Variants in PPHLN1 observed in about 807,000 individuals in gnomAD.
PPHLN1 encodes periphilin-1.
A neutral mutation model predicts 51.3 loss-of-function variants in PPHLN1; 29 were observed. The observed-to-expected ratio is 0.57, with a 90% CI of 0.42 to 0.77. PPHLN1 has a LOEUF of 0.77. PPHLN1 is among the 30% of genes least tolerant of loss of function. The pLI is 0.00. For synonymous variants in PPHLN1, 147 were observed against 147.8 expected (o/e 0.99, Z 0.04); for missense variants, 436 against 438.4 (o/e 0.99, Z 0.05).
chr12:42,419,100 T>C (rs916694934), intron 9 of PPHLN1, among the ~76,000 whole-genome samples: 10 of 152,224 alleles, frequency 6.6e-5, no homozygotes, highest in African/African-American at 2.4e-4. Context: ...TAGGGTTACC[T>C]AGCACCCCAA....
intron 9 of PPHLN1, among the ~76,000 whole-genome samples, chr12:42,411,149 C>T (rs2079774060): frequency 6.6e-6 from 1 of 151,640 alleles, no homozygotes; most frequent in South Asian, 2.1e-4. Flanking sequence ...CTTTCATTTT[C>T]CTTACACTTT....
chr12:42,350,835 G>A lies in PPHLN1; in HGVS notation c.73-1050G>A, dbSNP rs987896696. On this transcript the variant is annotated intron_variant, in intron 2 of 9. Coordinates refer to ENST00000358314, the MANE Select transcript of PPHLN1 (RefSeq NM_201439.2). ...AAAAACCAGTCAGGCATGGCGGCGCGCGCCTGCAATCCCAGGCACTCGGCA... is the reference window on the plus strand; with the variant it reads ...AAAAACCAGTCAGGCATGGCGGCGCACGCCTGCAATCCCAGGCACTCGGCA... Among the ~76,000 whole-genome samples, 25 of 152,166 alleles carry A rather than the reference G, an allele frequency of 1.6e-4. No individual in the cohort carries two copies. The East Asian group carries it at 4.7e-3, about 28-fold the overall frequency.
intron 1 of PPHLN1, among the ~76,000 whole-genome samples, chr12:42,333,557 A>G (rs980902312): frequency 2.0e-5 from 3 of 151,868 alleles, no homozygotes; most frequent in Middle Eastern, 3.4e-3. Context: ...ATCTTAGCTC[A>G]CTGCAAGCTC....
chr12:42,340,960 T>A (rs1415130212), intron 2 of PPHLN1, among the ~76,000 whole-genome samples: 1 of 151,576 alleles, frequency 6.6e-6, no homozygotes, highest in Non-Finnish European at 1.5e-5. Context: ...AGAATTTCTC[T>A]CCCTTTTTTT....
rs957663431 is a variant in PPHLN1 at position 42,330,375 on chromosome 12, C to T, written c.-21+4146C>T. 3.9e-5 allele frequency among the ~76,000 whole-genome samples: 6 copies of T among 152,292 alleles called. No individual in the cohort carries two copies. The East Asian group carries it at 5.8e-4, about 15-fold the overall frequency. ...CCTTCATGGGTGTCGGGCTGGGGGA[C>T]GGTCAGGTCTTTCTCGTCCCACGAG... On this transcript the variant is annotated intron_variant, in intron 1 of 9. Transcript: ENST00000358314.
chr12:42,434,887 A>T (rs1796399), intron 9 of PPHLN1, among the ~76,000 whole-genome samples: 146,820 of 152,250 alleles, frequency 0.96, 71,031 homozygotes, highest in Middle Eastern at 1. Context: ...AGAGACAGGC[A>T]TTCACCATGT....
chr12:42,426,041 C>A (rs904289659), intron 9 of PPHLN1, among the ~76,000 whole-genome samples: 1 of 152,168 alleles, frequency 6.6e-6, no homozygotes, highest in African/African-American at 2.4e-5. Context: ...CAGCATGGGG[C>A]AGATGGCTGA....
intron 9 of PPHLN1, among the ~76,000 whole-genome samples, chr12:42,435,350 G>A (rs1356701728): frequency 6.6e-6 from 1 of 152,140 alleles, no homozygotes; most frequent in Non-Finnish European, 1.5e-5. Context: ...CTATAGCTCT[G>A]ATCCATGTGT....
downstream of PPHLN1, chr12:42,443,216 A>G (rs191643937): frequency 3.5e-3 from 537 of 154,368 alleles, 1 homozygote; most frequent in Admixed American, 5.6e-3. Context: ...CCCTCCCCCA[A>G]TAAATTGGAA....
intron 1 of PPHLN1, chr12:42,331,863 C>T (rs957764163): frequency 6.6e-6 from 1 of 152,186 alleles, no homozygotes; most frequent in Non-Finnish European, 1.5e-5. Flanking sequence ...CATGATCACT[C>T]ACTGGGAGTC....
chr12:42,431,400 G>T (rs1727962301), intron 9 of PPHLN1, among the ~76,000 whole-genome samples: 1 of 152,052 alleles, frequency 6.6e-6, no homozygotes, highest in Non-Finnish European at 1.5e-5. Context: ...ATTTTGAAAA[G>T]AAAATAACAT....
chr12:42,342,719 A>G (rs1432460159), intron 2 of PPHLN1, among the ~76,000 whole-genome samples: 1 of 152,232 alleles, frequency 6.6e-6, no homozygotes, highest in African/African-American at 2.4e-5. Context: ...TCTTTAACAA[A>G]TACATTATTT....
chr12:42,419,572 TA>T (rs761715841), intron 9 of PPHLN1, among the ~76,000 whole-genome samples: 1 of 152,196 alleles, frequency 6.6e-6, no homozygotes, highest in African/African-American at 2.4e-5. Flanking sequence ...CTATGGAAAT[TA>T]AAAATTGAAG....
intron 5 of PPHLN1, among the ~76,000 whole-genome samples, chr12:42,381,527 C>T (rs1050393232): frequency 2.6e-5 from 4 of 152,206 alleles, no homozygotes; most frequent in Admixed American, 2.6e-4. Flanking sequence ...GTTGTTGCAA[C>T]TCTGACCTCC....
In PPHLN1 at chr12:42,360,458, C is replaced by CTTTTTTTTTTTTTTTTTTTTTT. The variant is rs71084642; in HGVS notation, c.299+5244_299+5265dup. Among the ~76,000 whole-genome samples the CTTTTTTTTTTTTTTTTTTTTTT allele has an allele frequency of 8.9e-5, 5 of 56,290 alleles. 1 individual carries two copies. The highest frequency in any genetic ancestry group is 1.3e-3 in the East Asian group (2 of 1,504). 36.9% of individuals were successfully genotyped at this position (56,290 alleles called of 152,430 possible). Reference sequence around the variant, plus strand: ...ACAGTTCCTGAAGTGATGCTGAATTCTTTTTTTTTTTTTTTTTTTTTTTTT... The same window carrying CTTTTTTTTTTTTTTTTTTTTTT: ...ACAGTTCCTGAAGTGATGCTGAATTCTTTTTTTTTTTTTTTTTTTTTTTTTTTTTTTTTTTTTTTTTTTTTTT... On this transcript the variant is annotated intron_variant, in intron 4 of 9. Transcript: ENST00000358314.
chr12:42,348,406 G>C (rs1049093158), intron 2 of PPHLN1, among the ~76,000 whole-genome samples: 1 of 150,734 alleles, frequency 6.6e-6, no homozygotes, highest in African/African-American at 2.4e-5. Flanking sequence ...ACAGGCATGA[G>C]CCACCATGCC....
chr12:42,426,228 A>ACACACACACACACAC (rs371819974), intron 9 of PPHLN1, among the ~76,000 whole-genome samples: 3 of 129,788 alleles, frequency 2.3e-5, no homozygotes, highest in African/African-American at 6.6e-5. Flanking sequence ...ACACACACAC[A>ACACACACACACACAC]CCCTCATGCA....
In PPHLN1 at chr12:42,378,082, C is replaced by CTT. The variant is rs200347545; in HGVS notation, c.511+3009_511+3010insTT. The stretch of plus-strand genomic sequence containing the variant: ...TTAATGCCTGCATCTAGCTATCTAT[C>CTT]TATCTTTCTCTTTCTTTCTTTCTTT... On this transcript the variant is annotated intron_variant, in intron 5 of 9. Coordinates refer to ENST00000358314, the MANE Select transcript of PPHLN1 (RefSeq NM_201439.2). Among the ~76,000 whole-genome samples, 368 of 150,054 alleles carry CTT rather than the reference C, an allele frequency of 2.5e-3. 1 individual carries two copies. The highest frequency in any genetic ancestry group is 6.1e-3 in the East Asian group (31 of 5,042).
chr12:42,341,076 G>C (rs1233397414), intron 2 of PPHLN1, among the ~76,000 whole-genome samples: 7 of 150,936 alleles, frequency 4.6e-5, no homozygotes, highest in Non-Finnish European at 7.4e-5. Context: ...TGCCTCCCAG[G>C]TTCAAGCGAT....
Sources: gnomAD v4.1 joint callset for allele counts (sites outside exome capture counted in the v4.1 genomes callset) on GRCh38, gnomAD v4.1.1 for gene constraint, MANE v1.5 for transcripts, NCBI Gene and HGNC (gene_info 2026-07-23, HGNC 2026-07-21) for gene names.